FAM193A: variants seen among roughly 807,000 people sequenced by gnomAD.
FAM193A encodes family with sequence similarity 193 member A.
Under a neutral mutation model 126.5 loss-of-function variants are expected in FAM193A, and 22 were observed. That is an observed-to-expected ratio of 0.17 (90% CI 0.12 to 0.25). FAM193A has a LOEUF of 0.25. FAM193A is among the 10% of genes least tolerant of loss of function. The pLI is 1.00. For synonymous variants in FAM193A, 761 were observed against 646.8 expected, an observed-to-expected ratio of 1.18 and a Z score of -2.68; for missense variants, 1,675 against 1,672.8, an observed-to-expected ratio of 1.00 and a Z score of -0.02.
chr4:2,632,424 T>C (rs1743685147), intron 5 of FAM193A, among the ~76,000 whole-genome samples: 1 of 151,630 alleles, frequency 6.6e-6, no homozygotes, highest in African/African-American at 2.4e-5. Context: ...AAAATTAAAT[T>C]AACCAGGCGT....
rs1742986012 is a variant in FAM193A at position 2,626,570 on chromosome 4, G to A, written c.796G>A (p.Val266Met). The change falls in exon 4 of 21, where the codon GTG (valine) becomes ATG (methionine). Residue 266 changes from valine (V) to methionine (M), a missense_variant. By Grantham distance (21) the Val-to-Met change is conservative (BLOSUM62 1). Coordinates refer to ENST00000637812, the MANE Select transcript of FAM193A (RefSeq NM_001366318.2). ...VPDKEGVKEL[V>M]DRLCERDPYQ... ...TGACAAGGAGGGAGTGAAGGAGCTC[G>A]TGGATAGGTACATACTGCCCTTTCC... 2 of 700,528 alleles carry A rather than the reference G, an allele frequency of 2.9e-6. No individual in the cohort carries two copies. Among genetic ancestry groups the A allele is most frequent in the South Asian group, 1.5e-5 (1 of 67,506 alleles). 43.4% of individuals were successfully genotyped at this position (700,528 alleles called of 1,614,324 possible).
At chr4:2,613,021 T>C (rs759280928) in intron 2 of FAM193A, among the ~76,000 whole-genome samples, 14 of 152,228 alleles carry the variant, frequency 9.2e-5, no homozygotes, top group Non-Finnish European at 2.1e-4. Flanking sequence ...AATTGAAACC[T>C]TAACAATATT....
At chr4:2,657,500 G>A (rs553744858) in intron 7 of FAM193A, among the ~76,000 whole-genome samples, 2 of 152,264 alleles carry the variant, frequency 1.3e-5, no homozygotes, top group African/African-American at 4.8e-5. Context: ...CACATAATGG[G>A]CATTCAGTAA....
At chr4:2,673,315 CCA>C (rs926805213) in intron 13 of FAM193A, among the ~76,000 whole-genome samples, 1 of 152,140 alleles carries the variant, frequency 6.6e-6, no homozygotes, top group Non-Finnish European at 1.5e-5. Flanking sequence ...TTTTTCCAGA[CCA>C]CAGTTTTTCC....
At chr4:2,656,395 A>C (rs141059023) in intron 7 of FAM193A, among the ~76,000 whole-genome samples, 16 of 152,360 alleles carry the variant, frequency 1.1e-4, no homozygotes, top group Non-Finnish European at 2.4e-4. Flanking sequence ...CAGTTTTACA[A>C]ATAGAATTTG....
At chr4:2,627,255 C>T (rs960376546) in intron 4 of FAM193A, among the ~76,000 whole-genome samples, 2 of 151,164 alleles carry the variant, frequency 1.3e-5, no homozygotes, top group African/African-American at 2.4e-5. Context: ...CTGCCTCCCG[C>T]ATTCAAGCTG....
chr4:2,568,222 AT>A (rs896800588), intron 1 of FAM193A, among the ~76,000 whole-genome samples: 120 of 152,192 alleles, frequency 7.9e-4, no homozygotes, highest in African/African-American at 2.8e-3. Flanking sequence ...GGCTTGTAAA[AT>A]TTTTTTTCAA....
intron 12 of FAM193A, among the ~76,000 whole-genome samples, chr4:2,669,225 ACCGTCTTGTTTTTACCTT>A (rs1209760319): frequency 6.6e-6 from 1 of 152,206 alleles, no homozygotes; most frequent in Non-Finnish European, 1.5e-5. Flanking sequence ...AATTTAAGTT[ACCGTCTTGTTTTTACCTT>A]CCTTTAATAT....
Position 2,672,151 on chromosome 4 carries a change from C to A in FAM193A, c.2110C>A (p.His704Asn). Residue 704 changes from histidine to asparagine, a missense_variant, in exon 13 of 21, where the codon CAT becomes AAT. Physicochemically the swap from His to Asn is moderately conservative, Grantham distance 68 (BLOSUM62 1). Around this residue, in one of 4 missense-constraint regions of FAM193A, gnomAD observed 1,186 missense variants for 1,109.2 expected, o/e 1.07. Transcript: ENST00000637812. ...AEQAPNTCEC[H>N]VCKQEASGLT... The stretch of plus-strand genomic sequence containing the variant: ...ACAAGCTCCAAACACTTGTGAATGT[C>A]ATGTTTGTAAGCAGGAAGCTTCTGG... 1 of 1,614,106 alleles carries A rather than the reference C, an allele frequency of 6.2e-7. No homozygotes were observed. Among genetic ancestry groups the A allele is most frequent in the Non-Finnish European group, 8.5e-7 (1 of 1,179,982 alleles).
Position 2,626,579 on chromosome 4 carries a change from T to C in FAM193A, c.803+2T>C. 1 of 694,126 alleles carries C rather than the reference T, an allele frequency of 1.4e-6. No individual in the cohort carries two copies. Among genetic ancestry groups the C allele is most frequent in the Middle Eastern group, 3.0e-4 (1 of 3,286 alleles). 43.0% of individuals were successfully genotyped at this position (694,126 alleles called of 1,614,324 possible). ...GGGAGTGAAGGAGCTCGTGGATAGGTACATACTGCCCTTTCCTGTTGTGGC... is the reference window on the plus strand; with the variant it reads ...GGGAGTGAAGGAGCTCGTGGATAGGCACATACTGCCCTTTCCTGTTGTGGC... On this transcript the variant is annotated splice_donor_variant, in intron 4 of 20. Coordinates refer to ENST00000637812, the MANE Select transcript of FAM193A (RefSeq NM_001366318.2). LOFTEE classifies it high-confidence loss of function.
At chr4:2,673,555 C>T (rs986458321) in intron 13 of FAM193A, among the ~76,000 whole-genome samples, 2 of 152,176 alleles carry the variant, frequency 1.3e-5, no homozygotes, top group African/African-American at 4.8e-5. Context: ...TCAGTTTGAA[C>T]TTTTAATGAT....
intron 14 of FAM193A, among the ~76,000 whole-genome samples, chr4:2,690,170 T>A (rs1477343761): frequency 6.6e-6 from 1 of 152,184 alleles, no homozygotes; most frequent in East Asian, 1.9e-4. Flanking sequence ...ACTAGCTCCT[T>A]ACTCCCCAGC....
At chr4:2,581,802 C>T (rs1288520622) in intron 1 of FAM193A, among the ~76,000 whole-genome samples, 2 of 151,616 alleles carry the variant, frequency 1.3e-5, no homozygotes, top group Admixed American at 6.6e-5. Flanking sequence ...TACAGGCCCC[C>T]GCCACCATGC....
At chr4:2,585,106 G>T (rs896415768) in intron 1 of FAM193A, among the ~76,000 whole-genome samples, 3 of 152,078 alleles carry the variant, frequency 2.0e-5, no homozygotes, top group African/African-American at 7.2e-5. Context: ...TTTAATTCCT[G>T]TATAGTATTT....
At chr4:2,713,104 C>CAAAA (rs529104464) in intron 19 of FAM193A, among the ~76,000 whole-genome samples, 1 of 77,390 alleles carries the variant, frequency 1.3e-5, no homozygotes, top group East Asian at 3.8e-4. Flanking sequence ...GACTCTGCTT[C>CAAAA]AAAAAAAAAA....
intron 20 of FAM193A, among the ~76,000 whole-genome samples, chr4:2,719,080 T>G (rs1201856999): frequency 1.3e-5 from 2 of 152,194 alleles, no homozygotes; most frequent in Non-Finnish European, 2.9e-5. Flanking sequence ...CTCCCTACTT[T>G]GTTTTATGAG....
In FAM193A at chr4:2,659,654, T is replaced by A; in HGVS notation, c.1486T>A (p.Cys496Ser). 6.2e-7 allele frequency: 1 copy of A among 1,613,990 alleles called. No individual in the cohort carries two copies. The highest frequency in any genetic ancestry group is 8.5e-7 in the Non-Finnish European group (1 of 1,179,904). ...GCTGAGCATGCCCGACTGCCCCAACTGCAACTACAGGAGAAGGTAAGGCTG... is the reference window on the plus strand; with the variant it reads ...GCTGAGCATGCCCGACTGCCCCAACAGCAACTACAGGAGAAGGTAAGGCTG... ...SRLSMPDCPNCNYRRRCACDD... is the reference protein window; with the variant it reads ...SRLSMPDCPNSNYRRRCACDD... The change falls in exon 9 of 21, where the codon TGC (cysteine) becomes AGC (serine). Residue 496 changes from cysteine (C) to serine (S), a missense_variant. By Grantham distance (112) the Cys-to-Ser change is moderately radical. This residue lies in a region of FAM193A where 1,186 missense variants were observed against 1,109.2 expected (regional missense o/e 1.07). Coordinates refer to ENST00000637812, the MANE Select transcript of FAM193A (RefSeq NM_001366318.2).
intron 1 of FAM193A, among the ~76,000 whole-genome samples, chr4:2,580,041 A>G (rs915380438): frequency 2.0e-5 from 3 of 152,338 alleles, no homozygotes; most frequent in Admixed American, 6.5e-5. Context: ...ATGCCCATCA[A>G]TGATAGATAG....
At chr4:2,702,470 G>C (rs1302414348) in intron 19 of FAM193A, among the ~76,000 whole-genome samples, 2 of 152,160 alleles carry the variant, frequency 1.3e-5, no homozygotes, top group African/African-American at 4.8e-5. Flanking sequence ...CCCAGACCTG[G>C]ACACTGCCAT....
Sources: allele counts gnomAD v4.1 joint callset (sites outside exome capture counted in the v4.1 genomes callset), GRCh38; gene constraint gnomAD v4.1.1; regional missense constraint gnomAD v4.1.1; transcripts MANE v1.5; gene names NCBI Gene and HGNC (gene_info 2026-07-23, HGNC 2026-07-21).